CRLF3: variants seen among roughly 807,000 people sequenced by gnomAD.
CRLF3 encodes the protein cytokine receptor-like factor 3.
CRLF3 carries 33 observed loss-of-function variants against 55.0 expected under a neutral mutation model. That is an observed-to-expected ratio of 0.60 (90% confidence interval 0.46 to 0.80). CRLF3 has a LOEUF of 0.80. Ranked by LOEUF, CRLF3 falls within the 30% of genes least tolerant of loss-of-function variation. The pLI is 0.00. For missense variants in CRLF3, 494 were observed against 538.4 expected, an observed-to-expected ratio of 0.92 and a Z score of 0.82; for synonymous variants, 238 against 196.8, an observed-to-expected ratio of 1.21 and a Z score of -1.75.
intron 1 of CRLF3, among the ~76,000 whole-genome samples, chr17:30,811,803 CAAAAAAAAAAAAA>C (rs915710879): frequency 3.6e-5 from 1 of 27,752 alleles, no homozygotes; most frequent in Admixed American, 5.3e-4. Flanking sequence ...GACTCTGTCT[CAAAAAAAAAAAAA>C]AAAAAAAAAA....
intron 1 of CRLF3, among the ~76,000 whole-genome samples, chr17:30,819,063 C>T (rs1904906153): frequency 6.6e-6 from 1 of 152,064 alleles, no homozygotes. Flanking sequence ...GTGATCCACC[C>T]GCCTCGGCCT....
intron 1 of CRLF3, among the ~76,000 whole-genome samples, chr17:30,818,260 A>G (rs1904872165): frequency 6.7e-6 from 1 of 149,114 alleles, no homozygotes; most frequent in Admixed American, 6.7e-5. Context: ...AACTTCATTA[A>G]AAAAAAAAAA....
rs746859429 is a variant in CRLF3 at position 30,824,692 on chromosome 17, T to C, written c.-41A>G. ...GCGAAACCTAGCGCGGGTTCCCGAC[T>C]GCACCGGGCGCCTCCAAGCGGCCCG... On this transcript the variant is annotated 5_prime_UTR_variant, in exon 1 of 8. Transcript: ENST00000324238. 33 of 1,546,816 alleles carry C rather than the reference T, an allele frequency of 2.1e-5. No individual in the cohort carries two copies. Among genetic ancestry groups the C allele is most frequent in the Non-Finnish European group, 2.9e-5 (33 of 1,152,858 alleles).
intron 2 of CRLF3, among the ~76,000 whole-genome samples, chr17:30,798,829 A>C (rs1971962112): frequency 6.6e-6 from 1 of 151,984 alleles, no homozygotes; most frequent in Admixed American, 6.6e-5. Context: ...ACAGTGTGAG[A>C]CTCTGTCTCA....
At chr17:30,794,582 G>C (rs1263955587) in intron 4 of CRLF3, among the ~76,000 whole-genome samples, 1 of 152,128 alleles carries the variant, frequency 6.6e-6, no homozygotes, top group African/African-American at 2.4e-5. Context: ...TGGAGCACTT[G>C]AGCCCAGGAA....
intron 2 of CRLF3, among the ~76,000 whole-genome samples, chr17:30,799,533 CTT>C (rs561989013): frequency 4.1e-5 from 6 of 144,884 alleles, no homozygotes; most frequent in Admixed American, 6.9e-5. Context: ...CAGGATTTAT[CTT>C]TTTTTTTTTT....
chr17:30,816,891 A>C (rs1164300417), intron 1 of CRLF3, among the ~76,000 whole-genome samples: 1 of 152,184 alleles, frequency 6.6e-6, no homozygotes, highest in Non-Finnish European at 1.5e-5. Context: ...GAGCAATAGA[A>C]TATACCATAT....
chr17:30,799,911 C>T (rs1011991204), intron 2 of CRLF3, among the ~76,000 whole-genome samples: 1 of 152,092 alleles, frequency 6.6e-6, no homozygotes, highest in South Asian at 2.1e-4. Flanking sequence ...AATGCAAAGC[C>T]ACCAAGGAAA....
chr17:30,793,889 A>C (rs1356160916), intron 4 of CRLF3, among the ~76,000 whole-genome samples: 1 of 151,798 alleles, frequency 6.6e-6, no homozygotes, highest in East Asian at 1.9e-4. Flanking sequence ...CCCAGGCTGT[A>C]GTGCAGTGGC....
In CRLF3 at chr17:30,793,600, C is replaced by G. The variant is rs374857610; in HGVS notation, c.676G>C (p.Val226Leu). The change falls in exon 5 of 8, where the codon GTA (valine) becomes CTA (leucine). Residue 226 changes from valine (V) to leucine (L), a missense_variant. Coordinates refer to ENST00000324238, the MANE Select transcript of CRLF3 (RefSeq NM_015986.4). ...RKCTSNHFED[V>L]YVGSETEFIV... ...AATTCAGTTTCAGAACCTACATATA[C>G]ATCCTCAAAATGATTTGAAGTACAT... is the stretch of plus-strand genomic sequence containing the variant. 1.2e-5 allele frequency: 19 copies of G among 1,613,954 alleles called. No homozygotes were observed. Among genetic ancestry groups the G allele is most frequent in the South Asian group, 8.8e-5 (8 of 91,092 alleles).
At chr17:30,808,060 A>G (rs1904472589) in intron 1 of CRLF3, among the ~76,000 whole-genome samples, 1 of 152,114 alleles carries the variant, frequency 6.6e-6, no homozygotes, top group Non-Finnish European at 1.5e-5. Context: ...CTGGGCCCTC[A>G]TCTACATAGC....
Position 30,783,035 on chromosome 17 carries a change from A to G in CRLF3, c.*1152T>C, listed in dbSNP as rs1971534834. 6.6e-6 allele frequency: 1 copy of G among 152,224 alleles called. No individual in the cohort carries two copies. Among genetic ancestry groups the G allele is most frequent in the Non-Finnish European group, 1.5e-5 (1 of 68,050 alleles). 9.4% of individuals were successfully genotyped at this position (152,224 alleles called of 1,614,324 possible). On this transcript the variant is annotated 3_prime_UTR_variant, in exon 8 of 8. Transcript: ENST00000324238. ...TTTAAGTAAGTTTTTAAAAAAAATA[A>G]GTATTTACGCTATATTTTTTTGCTC...
chr17:30,788,403 G>C (rs2142243506), intron 6 of CRLF3, among the ~76,000 whole-genome samples: 2 of 151,198 alleles, frequency 1.3e-5, no homozygotes, highest in Middle Eastern at 6.8e-3. Flanking sequence ...AGCAAGGAAA[G>C]AGCAGGAATG....
intron 1 of CRLF3, among the ~76,000 whole-genome samples, chr17:30,812,177 G>A (rs908702943): frequency 1.3e-5 from 2 of 151,888 alleles, no homozygotes; most frequent in Non-Finnish European, 2.9e-5. Context: ...AATTGAAAAC[G>A]CTAATCAACA....
Position 30,784,081 on chromosome 17 carries a change from C to T in CRLF3, c.*106G>A, listed in dbSNP as rs1971573675. The T allele has an allele frequency of 2.0e-6, 2 of 990,330 alleles. No individual in the cohort carries two copies. Among genetic ancestry groups the T allele is most frequent in the Non-Finnish European group, 3.0e-6 (2 of 668,146 alleles). 61.3% of individuals were successfully genotyped at this position (990,330 alleles called of 1,614,324 possible). A position where few individuals can be genotyped will look rare whatever the true frequency, so the allele number is the denominator to read the frequency against. ...GAATCCAGTAAACACTTTCCAATGG[C>T]CTAAGTTAGAGATGAATTCAACTTT... On this transcript the variant is annotated 3_prime_UTR_variant, in exon 8 of 8. Transcript: ENST00000324238.
intron 4 of CRLF3, among the ~76,000 whole-genome samples, chr17:30,793,991 A>C (rs1567661481): frequency 6.6e-6 from 1 of 152,070 alleles, no homozygotes; most frequent in Non-Finnish European, 1.5e-5. Context: ...GGTGCACACC[A>C]CCATGTCCGG....
chr17:30,783,658 G>T lies in CRLF3; in HGVS notation c.*529C>A, dbSNP rs1971557819. The T allele has an allele frequency of 6.6e-6, 1 of 152,284 alleles. No individual in the cohort carries two copies. Among genetic ancestry groups the T allele is most frequent in the Admixed American group, 6.5e-5 (1 of 15,270 alleles). The allele number at this position is 152,284 out of a possible 1,614,324, so 9.4% of individuals were successfully genotyped here. ...AGTTATAATGTTTTGGGGACTTAAA[G>T]ATTACTGAAGAGGGGATAAAAGTCA... On this transcript the variant is annotated 3_prime_UTR_variant, in exon 8 of 8. Transcript: ENST00000324238.
At chr17:30,816,231 G>A (rs1328412703) in intron 1 of CRLF3, among the ~76,000 whole-genome samples, 1 of 149,272 alleles carries the variant, frequency 6.7e-6, no homozygotes, top group Non-Finnish European at 1.5e-5. Flanking sequence ...GCAGTGAGCC[G>A]AGATCGCACC....
intron 1 of CRLF3, among the ~76,000 whole-genome samples, chr17:30,819,118 C>T (rs1904908774): frequency 6.6e-6 from 1 of 152,034 alleles, no homozygotes; most frequent in Non-Finnish European, 1.5e-5. Context: ...AGCCCAGCCA[C>T]CAACTAGTAT....
Sources: gnomAD v4.1 joint callset for allele counts (sites outside exome capture counted in the v4.1 genomes callset) on GRCh38, gnomAD v4.1.1 for gene constraint, MANE v1.5 for transcripts, NCBI Gene and HGNC (gene_info 2026-07-23, HGNC 2026-07-21) for gene names.